Variants in CDK14 observed in about 807,000 individuals in gnomAD.
The protein encoded by CDK14 is cyclin-dependent kinase 14.
CDK14 carries 34 observed loss-of-function variants against 60.7 expected under a neutral mutation model. The observed-to-expected ratio is 0.56, with a 90% CI of 0.43 to 0.75. The LOEUF is 0.75. Ranked by LOEUF, CDK14 falls within the 30% of genes least tolerant of loss-of-function variation. The probability of loss-of-function intolerance (pLI) is 0.00; values close to 1 mark genes in which losing one functional copy is unlikely to be tolerated. For missense variants in CDK14, 482 were observed against 564.1 expected, an observed-to-expected ratio of 0.85 and a Z score of 1.47; for synonymous variants, 197 against 203.7, an observed-to-expected ratio of 0.97 and a Z score of 0.28.
intron 8 of CDK14, among the ~76,000 whole-genome samples, chr7:90,948,000 A>G (rs983817403): frequency 5.3e-5 from 8 of 152,194 alleles, no homozygotes; most frequent in African/African-American, 1.9e-4. Flanking sequence ...ACACATATAG[A>G]TACATACTTG....
intron 10 of CDK14, among the ~76,000 whole-genome samples, chr7:91,038,746 G>A (rs1021426579): frequency 1.3e-5 from 2 of 152,186 alleles, no homozygotes; most frequent in Non-Finnish European, 2.9e-5. Flanking sequence ...ATGGAATTAT[G>A]GGGGTGGGTA....
intron 5 of CDK14, among the ~76,000 whole-genome samples, chr7:90,827,729 A>G (rs756786877): frequency 6.6e-6 from 1 of 152,202 alleles, no homozygotes; most frequent in African/African-American, 2.4e-5. Context: ...ATCCATTCCA[A>G]TTTTTGACCT....
intron 5 of CDK14, among the ~76,000 whole-genome samples, chr7:90,851,684 G>A (rs1790649448): frequency 6.6e-6 from 1 of 152,076 alleles, no homozygotes; most frequent in Admixed American, 6.5e-5. Context: ...CTGTTTGACA[G>A]TGCGTACAGA....
intron 10 of CDK14, among the ~76,000 whole-genome samples, chr7:91,044,839 A>T (rs1797188810): frequency 6.6e-6 from 1 of 152,200 alleles, no homozygotes; most frequent in African/African-American, 2.4e-5. Context: ...AGAAGTGGGC[A>T]GTCTGAATTT....
intron 2 of CDK14, among the ~76,000 whole-genome samples, chr7:90,658,788 A>C (rs1800803932): frequency 6.6e-6 from 1 of 152,106 alleles, no homozygotes; most frequent in African/African-American, 2.4e-5. Flanking sequence ...ATGGAGAAAT[A>C]AGGTTTCATT....
At chr7:91,103,826 G>A (rs898040612) in intron 12 of CDK14, among the ~76,000 whole-genome samples, 2 of 141,412 alleles carry the variant, frequency 1.4e-5, no homozygotes, top group Non-Finnish European at 3.1e-5. Context: ...CAAGGAGACC[G>A]AGAGAGAGAG....
intron 2 of CDK14, among the ~76,000 whole-genome samples, chr7:90,624,609 G>C (rs1208195344): frequency 6.6e-6 from 1 of 152,176 alleles, no homozygotes; most frequent in Non-Finnish European, 1.5e-5. Flanking sequence ...CCTGAGAATA[G>C]GAGAAAATGA....
At chr7:91,206,211 C>T (rs1373161744) in intron 14 of CDK14, among the ~76,000 whole-genome samples, 3 of 152,178 alleles carry the variant, frequency 2.0e-5, no homozygotes, top group African/African-American at 7.2e-5. Context: ...TGTGCAGCAG[C>T]AGGACAGGTG....
chr7:90,736,898 CCT>C (rs1383109109), intron 3 of CDK14, among the ~76,000 whole-genome samples: 1 of 152,188 alleles, frequency 6.6e-6, no homozygotes, highest in Non-Finnish European at 1.5e-5. Flanking sequence ...AATGCCTTGA[CCT>C]CAGTGGCCAT....
intron 5 of CDK14, chr7:90,824,561 CA>C (rs1165434973): frequency 6.6e-6 from 1 of 152,182 alleles, no homozygotes; most frequent in Non-Finnish European, 1.5e-5. Flanking sequence ...GAGGGGAAAT[CA>C]TGTGGATGTA....
At chr7:90,837,706 T>A (rs1790156331) in intron 5 of CDK14, among the ~76,000 whole-genome samples, 1 of 152,090 alleles carries the variant, frequency 6.6e-6, no homozygotes, top group Non-Finnish European at 1.5e-5. Context: ...CTTCTTTGCT[T>A]TTTTTACTAC....
intron 14 of CDK14, among the ~76,000 whole-genome samples, chr7:91,135,720 A>G (rs1021537408): frequency 5.3e-5 from 8 of 152,268 alleles, no homozygotes; most frequent in African/African-American, 1.4e-4. Context: ...TTGTTTGCAC[A>G]CTATTGTCTG....
chr7:90,877,723 G>A (rs1027778759), intron 6 of CDK14, among the ~76,000 whole-genome samples: 1 of 152,020 alleles, frequency 6.6e-6, no homozygotes, highest in African/African-American at 2.4e-5. Context: ...CTAACAAGAA[G>A]ATAAAAAGTC....
intron 2 of CDK14, among the ~76,000 whole-genome samples, chr7:90,691,532 C>T (rs150601812): frequency 1.1e-4 from 17 of 152,168 alleles, no homozygotes; most frequent in East Asian, 3.9e-4. Flanking sequence ...TTCAGAAACA[C>T]GAGCTACATT....
At chr7:90,868,648 G>T (rs925742772) in intron 6 of CDK14, among the ~76,000 whole-genome samples, 2 of 151,984 alleles carry the variant, frequency 1.3e-5, no homozygotes, top group African/African-American at 4.8e-5. Context: ...TGTATCAATA[G>T]AAATCATAAA....
chr7:90,722,868 A>G (rs1802507318), intron 2 of CDK14, among the ~76,000 whole-genome samples: 2 of 152,204 alleles, frequency 1.3e-5, no homozygotes, highest in Admixed American at 1.3e-4. Context: ...TCTTGCTTAA[A>G]TTGTATAGGT....
rs545618927 is a variant in CDK14 at position 90,828,005 on chromosome 7, G to A, written c.545-35170G>A. 7.2e-5 allele frequency among the ~76,000 whole-genome samples: 11 copies of A among 152,262 alleles called. No individual in the cohort carries two copies. The South Asian group carries it at 1.9e-3, about 26-fold the overall frequency. The stretch of plus-strand genomic sequence containing the variant: ...AAAATAAAAGAAATTGATATTACAT[G>A]CATAGTCTATTACTATATCAAACTG... On this transcript the variant is annotated intron_variant, in intron 5 of 14. Transcript: ENST00000380050.
At chr7:90,646,419 A>T (rs550215216) in intron 2 of CDK14, among the ~76,000 whole-genome samples, 6 of 152,120 alleles carry the variant, frequency 3.9e-5, no homozygotes, top group Non-Finnish European at 7.4e-5. Context: ...AAATTAGTTG[A>T]AAAGTAGCTA....
intron 11 of CDK14, among the ~76,000 whole-genome samples, chr7:91,077,266 A>G (rs1269563430): frequency 1.3e-5 from 2 of 152,252 alleles, no homozygotes; most frequent in Non-Finnish European, 2.9e-5. Flanking sequence ...TCAATGATAG[A>G]CTGGATAAAG....
Sources: gnomAD v4.1 joint callset for allele counts (sites outside exome capture counted in the v4.1 genomes callset) on GRCh38, gnomAD v4.1.1 for gene constraint, MANE v1.5 for transcripts, NCBI Gene and HGNC (gene_info 2026-07-23, HGNC 2026-07-21) for gene names.